RAD54L: variants seen among roughly 807,000 people sequenced by gnomAD.
The protein encoded by RAD54L is DNA repair and recombination protein RAD54-like.
Under a neutral mutation model 91.6 loss-of-function variants are expected in RAD54L, and 74 were observed. The ratio of observed to expected loss-of-function variants is 0.81; its 90% confidence interval spans 0.67 to 0.98. RAD54L has a LOEUF of 0.98. RAD54L is among the 50% of genes least tolerant of loss of function. The probability of loss-of-function intolerance (pLI) is 0.00; values close to 1 mark genes in which losing one functional copy is unlikely to be tolerated. For missense variants in RAD54L, 887 were observed against 945.7 expected, an observed-to-expected ratio of 0.94 and a Z score of 0.81; for synonymous variants, 304 against 349.7, an observed-to-expected ratio of 0.87 and a Z score of 1.46.
intron 3 of RAD54L, among the ~76,000 whole-genome samples, chr1:46,256,083 C>CTT (rs1042824698): frequency 6.7e-6 from 1 of 148,868 alleles, no homozygotes; most frequent in African/African-American, 2.5e-5. Context: ...TTAAGAGTAG[C>CTT]TTTTTTTTTT....
At chr1:46,260,693 G>T in intron 6 of RAD54L, 34 bp from the exon 7 acceptor site, 1 of 1,614,160 alleles carries the variant, frequency 6.2e-7, no homozygotes, top group East Asian at 2.2e-5. Context: ...AGCAGCGTAG[G>T]TGCCAAAGTG....
chr1:46,265,098 A>G lies in RAD54L; in HGVS notation c.892-2361A>G, dbSNP rs1195663976. On this transcript the variant is annotated intron_variant, in intron 8 of 17. Coordinates refer to ENST00000371975, the MANE Select transcript of RAD54L (RefSeq NM_003579.4). This position sits in a 1 kb window ranked among gnomAD's most constrained non-coding sequence, Gnocchi z 4.8. ...TGGACCTGTTGGGTAATTTCCTCTG[A>G]CTTTCAAGTCTCATTTCCCTCTTCA... Among the ~76,000 whole-genome samples, 1 of 152,088 alleles carries G rather than the reference A, an allele frequency of 6.6e-6. No individual in the cohort carries two copies. Among genetic ancestry groups the G allele is most frequent in the African/African-American group, 2.4e-5 (1 of 41,416 alleles).
intron 3 of RAD54L, among the ~76,000 whole-genome samples, chr1:46,256,056 T>G (rs142504271): frequency 6.2e-4 from 94 of 152,250 alleles, no homozygotes; most frequent in African/African-American, 1.9e-3. Flanking sequence ...GTCCATCTCC[T>G]TTTCCTCTCA....
rs1195799709 is a variant in RAD54L at position 46,248,391 on chromosome 1, A to T, written c.-15A>T. The T allele has an allele frequency of 6.8e-6, 11 of 1,612,856 alleles. No homozygotes were observed. The highest frequency in any genetic ancestry group is 9.3e-6 in the Non-Finnish European group (11 of 1,179,888). ...GGCTCATGGGTACTTGACGTTTTAA[A>T]CTCCTAGGCCCAGGATGGTAAGTGT... On this transcript the variant is annotated 5_prime_UTR_variant, in exon 1 of 18. Transcript: ENST00000371975.
rs1569626028 is a variant in RAD54L, at chr1:46,277,709, T to C, written c.1870-108T>C. The C allele has an allele frequency of 3.9e-6, 5 of 1,275,674 alleles. No homozygotes were observed. The African/African-American group carries it at 7.3e-5, about 19-fold the overall frequency. 79.0% of individuals were successfully genotyped at this position (1,275,674 alleles called of 1,614,324 possible). ...CTGGGACTCATACTTTTTATTCATCTCCTCTTCTCGGGTAGCTGTAGTTTC... is the reference window on the plus strand; with the variant it reads ...CTGGGACTCATACTTTTTATTCATCCCCTCTTCTCGGGTAGCTGTAGTTTC... On this transcript the variant is annotated intron_variant, in intron 16 of 17. Coordinates refer to ENST00000371975, the MANE Select transcript of RAD54L (RefSeq NM_003579.4).
intron 10 of RAD54L, among the ~76,000 whole-genome samples, chr1:46,271,339 A>G (rs1660420392): frequency 6.6e-6 from 1 of 152,116 alleles, no homozygotes; most frequent in South Asian, 2.1e-4. Context: ...CTGCCTGGCT[A>G]CCTGGCTACC....
chr1:46,273,209 C>A, intron 12 of RAD54L, 146 bp from the exon 13 acceptor site: 1 of 783,580 alleles, frequency 1.3e-6, no homozygotes, highest in Admixed American at 1.8e-5. Flanking sequence ...CGACTATATC[C>A]TGTTGGAATT....
rs369525517 is a variant in RAD54L at position 46,274,636 on chromosome 1, C to G, written c.1788C>G (p.Asn596Lys). 2 of 1,613,998 alleles carry G rather than the reference C, an allele frequency of 1.2e-6. No homozygotes were observed. Among genetic ancestry groups the G allele is most frequent in the Non-Finnish European group, 1.7e-6 (2 of 1,180,036 alleles). ...NRLVMFDPDW[N>K]PANDEQAMAR... is the part of the protein sequence containing the mutation. ...TGGTCATGTTTGACCCTGACTGGAA[C>G]CCAGCCAATGATGAACAAGCCATGG... The change falls in exon 16 of 18, where the codon AAC becomes AAG. Residue 596 changes from asparagine to lysine, a missense_variant. Coordinates refer to ENST00000371975, the MANE Select transcript of RAD54L (RefSeq NM_003579.4).
intron 2 of RAD54L, among the ~76,000 whole-genome samples, chr1:46,249,611 G>A (rs9429190): frequency 0.029 from 4,372 of 152,226 alleles, 210 homozygotes; most frequent in African/African-American, 0.1. Flanking sequence ...TGGCCTGGGA[G>A]TTGAAGGCAG....
intron 3 of RAD54L, among the ~76,000 whole-genome samples, chr1:46,251,397 G>A (rs893507578): frequency 2.0e-5 from 3 of 152,098 alleles, no homozygotes; most frequent in Admixed American, 1.3e-4. Context: ...ACAAACACCC[G>A]TGAACCCATC....
chr1:46,258,624 C>A, intron 3 of RAD54L, 62 bp from the exon 4 acceptor site: 1 of 1,232,670 alleles, frequency 8.1e-7, no homozygotes, highest in Non-Finnish European at 1.2e-6. Context: ...TGAAGCATAT[C>A]ATGATATTGT....
chr1:46,278,065 T>C lies in RAD54L; in HGVS notation c.2034-7T>C. ...GTAGTGACTTCAGCTGTGCCTTCTGTCCCTAGGTTGCACTGCCGACGTTGT... is the reference window on the plus strand; with the variant it reads ...GTAGTGACTTCAGCTGTGCCTTCTGCCCCTAGGTTGCACTGCCGACGTTGT... On this transcript the variant is annotated splice_polypyrimidine_tract_variant and splice_region_variant and intron_variant, in intron 17 of 17. Transcript: ENST00000371975. 1.2e-6 allele frequency: 2 copies of C among 1,614,110 alleles called. No homozygotes were observed. The highest frequency in any genetic ancestry group is 1.7e-6 in the Non-Finnish European group (2 of 1,179,986).
At chr1:46,261,090 G>T in intron 7 of RAD54L, 75 bp downstream of exon 7, 1 of 1,573,068 alleles carries the variant, frequency 6.4e-7, no homozygotes, top group Admixed American at 1.8e-5. Flanking sequence ...CTCATTTATG[G>T]CCAGGGTGGA....
intron 9 of RAD54L, among the ~76,000 whole-genome samples, chr1:46,269,310 C>CTT (rs76085646): frequency 2.9e-5 from 4 of 140,270 alleles, no homozygotes; most frequent in Non-Finnish European, 4.7e-5. Flanking sequence ...CAACTATAGT[C>CTT]TTTTTTTTTT....
In RAD54L at chr1:46,274,658, A is replaced by G. The variant is rs1008820095; in HGVS notation, c.1810A>G (p.Met604Val). The G allele has an allele frequency of 2.5e-6, 4 of 1,614,016 alleles. No individual in the cohort carries two copies. The highest frequency in any genetic ancestry group is 3.3e-5 in the Admixed American group (2 of 60,000). ...GAACCCAGCCAATGATGAACAAGCCATGGCCCGGGTCTGGCGAGATGGTCA... is the reference window on the plus strand; with the variant it reads ...GAACCCAGCCAATGATGAACAAGCCGTGGCCCGGGTCTGGCGAGATGGTCA... ...DWNPANDEQA[M>V]ARVWRDGQKK... Residue 604 changes from methionine (M) to valine (V), a missense_variant, in exon 16 of 18, where the codon ATG (methionine) becomes GTG (valine). Transcript: ENST00000371975.
At chr1:46,260,704 G>A in intron 6 of RAD54L, 23 bp from the exon 7 acceptor site, 1 of 1,614,200 alleles carries the variant, frequency 6.2e-7, no homozygotes, top group East Asian at 2.2e-5. Flanking sequence ...TGCCAAAGTG[G>A]ACTGAAGGCT....
intron 3 of RAD54L, among the ~76,000 whole-genome samples, chr1:46,257,736 T>A (rs1480104186): frequency 6.6e-6 from 1 of 152,200 alleles, no homozygotes; most frequent in East Asian, 1.9e-4. Flanking sequence ...GTGCTTTACA[T>A]GGCAGGAAGC....
In RAD54L at chr1:46,277,835, A is replaced by G. The variant is rs764589480; in HGVS notation, c.1888A>G (p.Lys630Glu). 5 of 1,610,868 alleles carry G rather than the reference A, an allele frequency of 3.1e-6. No individual in the cohort carries two copies. Among genetic ancestry groups the G allele is most frequent in the Non-Finnish European group, 4.2e-6 (5 of 1,177,414 alleles). Residue 630 changes from lysine to glutamate, a missense_variant, in exon 17 of 18, where the codon AAG (lysine) becomes GAG (glutamate). Lys to Glu is a moderately conservative substitution (Grantham distance 56, BLOSUM62 1). Transcript: ENST00000371975. ...TCCCCAGGCAGGGACCATTGAGGAG[A>G]AGATCTTCCAGCGTCAGAGCCACAA... ...RLLSAGTIEE[K>E]IFQRQSHKKA...
At chr1:46,253,437 G>A (rs1298534133) in intron 3 of RAD54L, among the ~76,000 whole-genome samples, 1 of 152,096 alleles carries the variant, frequency 6.6e-6, no homozygotes, top group African/African-American at 2.4e-5. Context: ...TGGCTAACAT[G>A]GTGAAACTCC....
Sources: allele counts gnomAD v4.1 joint callset (sites outside exome capture counted in the v4.1 genomes callset), GRCh38; gene constraint gnomAD v4.1.1; non-coding constraint Gnocchi (gnomAD v3.1); transcripts MANE v1.5; gene names NCBI Gene and HGNC (gene_info 2026-07-23, HGNC 2026-07-21).